SCAPER: variants seen among roughly 807,000 people sequenced by gnomAD.
SCAPER encodes S phase cyclin A-associated protein in the endoplasmic reticulum.
Under a neutral mutation model 182.2 loss-of-function variants are expected in SCAPER, and 98 were observed. The ratio of observed to expected loss-of-function variants is 0.54; its 90% CI spans 0.46 to 0.64. The LOEUF (loss-of-function observed/expected upper bound fraction) is 0.64. Among genes scored for constraint, SCAPER ranks in the 30% least tolerant of loss-of-function variants. The probability of loss-of-function intolerance (pLI) is 0.00; values close to 1 mark genes in which losing one functional copy is unlikely to be tolerated. For synonymous variants in SCAPER, 605 were observed against 564.6 expected (o/e 1.07, Z -1.01); for missense variants, 1,432 against 1,690.0 (o/e 0.85, Z 2.68).
chr15:76,428,928 T>TACTG (rs2046656719), intron 26 of SCAPER, among the ~76,000 whole-genome samples: 1 of 134,640 alleles, frequency 7.4e-6, no homozygotes, highest in East Asian at 2.4e-4. Context: ...TTTGTATAGT[T>TACTG]ACTGATATGG....
chr15:76,403,232 AG>A (rs2044592831), intron 27 of SCAPER, among the ~76,000 whole-genome samples: 1 of 152,220 alleles, frequency 6.6e-6, no homozygotes, highest in Non-Finnish European at 1.5e-5. Flanking sequence ...CCAGATGGAC[AG>A]TGTTTGGTAT....
intron 21 of SCAPER, among the ~76,000 whole-genome samples, chr15:76,625,531 T>C (rs1219181403): frequency 6.6e-6 from 1 of 151,810 alleles, no homozygotes; most frequent in Non-Finnish European, 1.5e-5. Context: ...TGGCTGAGGG[T>C]GGGGAATGTC....
intron 15 of SCAPER, among the ~76,000 whole-genome samples, chr15:76,751,993 A>G (rs1054725215): frequency 6.6e-6 from 1 of 151,712 alleles, no homozygotes; most frequent in Non-Finnish European, 1.5e-5. Context: ...GATTTAAAAC[A>G]AATTGATATC....
chr15:76,746,850 G>T (rs1378992310), intron 15 of SCAPER, among the ~76,000 whole-genome samples: 1 of 152,174 alleles, frequency 6.6e-6, no homozygotes, highest in Non-Finnish European at 1.5e-5. Context: ...AAACAATGCT[G>T]AAAGAAATTA....
intron 24 of SCAPER, among the ~76,000 whole-genome samples, chr15:76,495,393 C>A (rs997045016): frequency 6.6e-6 from 1 of 151,796 alleles, no homozygotes; most frequent in African/African-American, 2.4e-5. Flanking sequence ...GCCTGGCCAA[C>A]CTGGTGAGAC....
At chr15:76,420,748 C>T (rs1358497627) in intron 26 of SCAPER, among the ~76,000 whole-genome samples, 1 of 152,170 alleles carries the variant, frequency 6.6e-6, no homozygotes, top group Non-Finnish European at 1.5e-5. Flanking sequence ...TTCGGTATAT[C>T]TCCTAATGCT....
At chr15:76,584,695 G>A (rs550981716) in intron 22 of SCAPER, among the ~76,000 whole-genome samples, 11 of 152,092 alleles carry the variant, frequency 7.2e-5, no homozygotes, top group East Asian at 3.9e-4. Context: ...CGTTCTTACC[G>A]TATTAGTCAA....
intron 8 of SCAPER, among the ~76,000 whole-genome samples, chr15:76,784,592 AAAAGAAC>A (rs1355434758): frequency 5.9e-5 from 9 of 152,230 alleles, no homozygotes. Context: ...ATCCTACGCA[AAAAGAAC>A]AAAGCTGAAG....
intron 27 of SCAPER, among the ~76,000 whole-genome samples, chr15:76,392,481 A>G (rs2043766343): frequency 6.6e-6 from 1 of 152,156 alleles, no homozygotes. Context: ...CACGCCTGCA[A>G]TCCCAACACT....
intron 2 of SCAPER, among the ~76,000 whole-genome samples, chr15:76,869,014 A>T (rs1401454701): frequency 2.0e-5 from 3 of 152,208 alleles, no homozygotes; most frequent in African/African-American, 7.2e-5. Flanking sequence ...TACACCAGGG[A>T]AAGAACACCC....
intron 23 of SCAPER, among the ~76,000 whole-genome samples, chr15:76,511,335 CTT>C (rs1385837184): frequency 2.0e-5 from 3 of 152,176 alleles, no homozygotes; most frequent in African/African-American, 7.2e-5. Flanking sequence ...AAAATTTACT[CTT>C]GATTTGTGTA....
At chr15:76,645,042 A>G (rs1597892998) in intron 21 of SCAPER, among the ~76,000 whole-genome samples, 1 of 152,132 alleles carries the variant, frequency 6.6e-6, no homozygotes, top group African/African-American at 2.4e-5. Context: ...TATTGAAAAC[A>G]TACATATTTT....
chr15:76,524,270 A>C (rs777334901), intron 23 of SCAPER, among the ~76,000 whole-genome samples: 1 of 152,172 alleles, frequency 6.6e-6, no homozygotes, highest in Non-Finnish European at 1.5e-5. Context: ...TACCCTGTGG[A>C]GAATGGAGAG....
chr15:76,621,660 T>C (rs769102106), intron 22 of SCAPER, 104 bp downstream of exon 22: 44 of 940,776 alleles, frequency 4.7e-5, no homozygotes, highest in Non-Finnish European at 5.8e-5. Context: ...GTTCTAGAAA[T>C]TAGAATCAAA....
intron 4 of SCAPER, among the ~76,000 whole-genome samples, chr15:76,850,324 C>T (rs2070606232): frequency 6.6e-6 from 1 of 152,138 alleles, no homozygotes; most frequent in Non-Finnish European, 1.5e-5. Context: ...GAACCCCTGC[C>T]CCTACTCTTC....
At chr15:76,535,920 C>A (rs1170391422) in intron 23 of SCAPER, among the ~76,000 whole-genome samples, 1 of 152,136 alleles carries the variant, frequency 6.6e-6, no homozygotes, top group Non-Finnish European at 1.5e-5. Flanking sequence ...TGTATTATCC[C>A]ATTTGCTTAA....
chr15:76,632,681 A>T (rs12438186), intron 21 of SCAPER, among the ~76,000 whole-genome samples: 1 of 151,066 alleles, frequency 6.6e-6, no homozygotes, highest in East Asian at 1.9e-4. Flanking sequence ...GAGAAGAGGC[A>T]CTCTGGCTTT....
At chr15:76,471,885 G>C (rs542435045) in intron 24 of SCAPER, among the ~76,000 whole-genome samples, 1 of 152,268 alleles carries the variant, frequency 6.6e-6, no homozygotes, top group South Asian at 2.1e-4. Context: ...CTTTCCCAGA[G>C]TGTAAAAACT....
chr15:76,481,369 T>C (rs1390401361), intron 24 of SCAPER, among the ~76,000 whole-genome samples: 1 of 152,228 alleles, frequency 6.6e-6, no homozygotes, highest in Non-Finnish European at 1.5e-5. Flanking sequence ...TGAATTATGA[T>C]GGGATTATAT....
Sources: allele counts gnomAD v4.1 joint callset (sites outside exome capture counted in the v4.1 genomes callset), GRCh38; gene constraint gnomAD v4.1.1; transcripts MANE v1.5; gene names NCBI Gene and HGNC (gene_info 2026-07-23, HGNC 2026-07-21).